The following PALM variants were observed in gnomAD, a reference collection of about 807,000 sequenced individuals.
PALM encodes the protein paralemmin, also known as paralemmin-1.
Under a neutral mutation model 30.7 loss-of-function variants are expected in PALM, and 18 were observed. That is an observed-to-expected ratio of 0.59 (90% CI 0.41 to 0.87). The LOEUF is 0.87. Among genes scored for constraint, PALM ranks in the 40% least tolerant of loss-of-function variants. The pLI, the probability that PALM is intolerant of heterozygous loss-of-function variation, is 0.00. For synonymous variants in PALM, 286 were observed against 242.8 expected (o/e 1.18, Z -1.66); for missense variants, 529 against 555.4 (o/e 0.95, Z 0.48).
chr19:734,976 G>C, intron 6 of PALM: 1 of 696,552 alleles, frequency 1.4e-6, no homozygotes, highest in Non-Finnish European at 1.8e-6. Flanking sequence ...TTGTCTTACT[G>C]TAGAATTAAA....
chr19:727,864 G>T, intron 4 of PALM, 170 bp downstream of exon 4: 1 of 650,910 alleles, frequency 1.5e-6, no homozygotes, highest in Non-Finnish European at 2.6e-6. Context: ...GGACAGATCA[G>T]GTTGGGGCAT....
chr19:710,969 C>T (rs114047596), intron 1 of PALM, among the ~76,000 whole-genome samples: 20 of 152,248 alleles, frequency 1.3e-4, no homozygotes, highest in Non-Finnish European at 7.3e-5. Flanking sequence ...ACGAAGGCCC[C>T]GTCCGCTAGA....
At position 731,214 on chromosome 19, in the gene PALM, G is replaced by A. The variant is rs775703604; in HGVS notation, c.389G>A (p.Arg130His). The A allele has an allele frequency of 1.6e-5, 26 of 1,611,144 alleles. No individual in the cohort carries two copies. The highest frequency in any genetic ancestry group is 4.0e-5 in the African/African-American group (3 of 74,884). Reference protein sequence around the residue: ...APAPSPAKEERKTEVVMNSQQ... With the variant: ...APAPSPAKEEHKTEVVMNSQQ... Reference sequence around the variant, plus strand: ...GCCCCGAGTCCAGCCAAGGAGGAGCGCAAGACAGAGGTGGTGATGAATTCA... The same window carrying A: ...GCCCCGAGTCCAGCCAAGGAGGAGCACAAGACAGAGGTGGTGATGAATTCA... Residue 130 changes from arginine (R) to histidine (H), a missense_variant, in exon 5 of 9, where the codon CGC becomes CAC. By Grantham distance (29) the Arg-to-His change is conservative. Coordinates refer to ENST00000338448, the MANE Select transcript of PALM (RefSeq NM_002579.3).
In PALM at chr19:746,849, C is replaced by G. The variant is rs1224430247; in HGVS notation, c.*35C>G. ...CGAGACCCCGGCCCCCACCCCACACCACAGACACCCACCAGCCCGGCCCCT... is the reference window on the plus strand; with the variant it reads ...CGAGACCCCGGCCCCCACCCCACACGACAGACACCCACCAGCCCGGCCCCT... On this transcript the variant is annotated 3_prime_UTR_variant, in exon 9 of 9. Coordinates refer to ENST00000338448, the MANE Select transcript of PALM (RefSeq NM_002579.3). This position sits in a 1 kb window ranked among gnomAD's most constrained non-coding sequence, Gnocchi z 7.1. 6.2e-6 allele frequency: 8 copies of G among 1,296,512 alleles called. No homozygotes were observed. The South Asian group carries it at 8.4e-5, about 14-fold the overall frequency. The allele number at this position is 1,296,512 out of a possible 1,614,324, so 80.3% of individuals were successfully genotyped here.
intron 4 of PALM, among the ~76,000 whole-genome samples, chr19:728,916 A>G (rs1361341110): frequency 1.3e-5 from 2 of 152,120 alleles, no homozygotes; most frequent in African/African-American, 4.8e-5. Context: ...AGGCAGGAGA[A>G]TGGCGTGAAC....
rs1260079213 is a variant in PALM at position 746,261 on chromosome 19, T to TTCTCTCTG, written c.635-17_635-10dup. 2 of 1,601,318 alleles carry TTCTCTCTG rather than the reference T, an allele frequency of 1.2e-6. No homozygotes were observed. The highest frequency in any genetic ancestry group is 1.7e-6 in the Non-Finnish European group (2 of 1,173,344). On this transcript the variant is annotated intron_variant, in intron 8 of 8. Coordinates refer to ENST00000338448, the MANE Select transcript of PALM (RefSeq NM_002579.3). The surrounding 1 kb of genome is among the most constrained non-coding windows in gnomAD (Gnocchi z 7.1). ...GTCCCTCCTGCCTGGAGCTGGGTCA[T>TTCTCTCTG]TCTCTCTGTCTCTCCTTGTACAGTG...
chr19:746,238 C>T lies in PALM; in HGVS notation c.635-47C>T. 6.5e-7 allele frequency: 1 copy of T among 1,527,924 alleles called. No individual in the cohort carries two copies. Among genetic ancestry groups the T allele is most frequent in the Non-Finnish European group, 9.0e-7 (1 of 1,112,330 alleles). The allele number at this position is 1,527,924 out of a possible 1,614,324, so 94.6% of individuals were successfully genotyped here. ...GCCTGAGCCAGGTCACTCTCTCTGT[C>T]CCTCCTGCCTGGAGCTGGGTCATTC... On this transcript the variant is annotated intron_variant, in intron 8 of 8. Transcript: ENST00000338448. The surrounding 1 kb of genome is among the most constrained non-coding windows in gnomAD (Gnocchi z 7.1).
chr19:741,193 A>G lies in PALM; in HGVS notation c.634+710A>G, dbSNP rs1183887899. On this transcript the variant is annotated intron_variant, in intron 8 of 8. Transcript: ENST00000338448. ...GCTAGCGTGACAGAAGCCACAGAAA[A>G]TGCACATCCAGGGGGCTGTGAGAAG... is the stretch of plus-strand genomic sequence containing the variant. Among the ~76,000 whole-genome samples, 9 of 152,024 alleles carry G rather than the reference A, an allele frequency of 5.9e-5. No individual in the cohort carries two copies. The East Asian group carries it at 1.7e-3, about 29-fold the overall frequency.
chr19:727,162 A>G, intron 3 of PALM, 74 bp downstream of exon 3: 1 of 921,024 alleles, frequency 1.1e-6, no homozygotes. Context: ...CTCCTGCCCA[A>G]CCCTGACCCT....
intron 1 of PALM, among the ~76,000 whole-genome samples, chr19:712,313 G>T (rs1356356417): frequency 6.6e-6 from 1 of 151,312 alleles, no homozygotes; most frequent in African/African-American, 2.4e-5. Flanking sequence ...CGTGAGCCAC[G>T]TGCCTGGCTG....
intron 1 of PALM, among the ~76,000 whole-genome samples, chr19:717,328 C>T (rs2144852309): frequency 6.6e-6 from 1 of 152,298 alleles, no homozygotes; most frequent in East Asian, 1.9e-4. Context: ...CCCCCCAGCC[C>T]TCGGGGAGCC....
At chr19:730,028 G>T (rs1450847653) in intron 4 of PALM, among the ~76,000 whole-genome samples, 1 of 152,216 alleles carries the variant, frequency 6.6e-6, no homozygotes, top group Non-Finnish European at 1.5e-5. Flanking sequence ...GCTTTCAGAG[G>T]CTTCAGCTTC....
chr19:725,951 T>C (rs990222152), intron 1 of PALM, among the ~76,000 whole-genome samples, 187 bp from the exon 2 acceptor site: 2 of 152,188 alleles, frequency 1.3e-5, no homozygotes, highest in African/African-American at 4.8e-5. Context: ...TCCCCTCCTG[T>C]CCTGGCTTCC....
intron 4 of PALM, among the ~76,000 whole-genome samples, chr19:728,788 G>C (rs898542320): frequency 6.6e-6 from 1 of 152,068 alleles, no homozygotes; most frequent in Non-Finnish European, 1.5e-5. Context: ...TGAATCACGA[G>C]GTCAGGAGAT....
chr19:739,188 G>C lies in PALM; in HGVS notation c.503-1164G>C, dbSNP rs2033114534. Among the ~76,000 whole-genome samples, 5 of 152,222 alleles carry C rather than the reference G, an allele frequency of 3.3e-5. No homozygotes were observed. The South Asian group carries it at 8.3e-4, about 25-fold the overall frequency. On this transcript the variant is annotated intron_variant, in intron 7 of 8. Coordinates refer to ENST00000338448, the MANE Select transcript of PALM (RefSeq NM_002579.3). ...GAGTTAGGGCCCTGATGAGTAGCAAGTTCGACTATCTCAGGAGGGTTCCTT... is the reference window on the plus strand; with the variant it reads ...GAGTTAGGGCCCTGATGAGTAGCAACTTCGACTATCTCAGGAGGGTTCCTT...
chr19:716,628 G>A (rs556374160), intron 1 of PALM, among the ~76,000 whole-genome samples: 1 of 152,082 alleles, frequency 6.6e-6, no homozygotes, highest in Admixed American at 6.6e-5. Context: ...GTCAGGGAGC[G>A]AGAAGCTGAT....
At chr19:712,536 A>G (rs753308929) in intron 1 of PALM, among the ~76,000 whole-genome samples, 9 of 150,224 alleles carry the variant, frequency 6.0e-5, no homozygotes, top group Non-Finnish European at 1.3e-4. Flanking sequence ...GGCGCCCACC[A>G]TCACGCCCGG....
In PALM at chr19:709,911, T is replaced by TGTGG. The variant is rs1555686492; in HGVS notation, c.5+761_5+762insTGGG. Reference sequence around the variant, plus strand: ...CCCCGCATGGCTGCGCCTGTGTGTGTGGGGGGGGGGTGGCCAGTGGAGGCA... The same window carrying TGTGG: ...CCCCGCATGGCTGCGCCTGTGTGTGTGTGGGGGGGGGGGGTGGCCAGTGGAGGCA... On this transcript the variant is annotated intron_variant, in intron 1 of 8. Transcript: ENST00000338448. The surrounding 1 kb of genome is among the most constrained non-coding windows in gnomAD (Gnocchi z 4.3). 3.4e-5 allele frequency among the ~76,000 whole-genome samples: 5 copies of TGTGG among 147,590 alleles called. No individual in the cohort carries two copies. Among genetic ancestry groups the TGTGG allele is most frequent in the Admixed American group, 2.7e-4 (4 of 14,906 alleles).
intron 5 of PALM, among the ~76,000 whole-genome samples, chr19:732,366 T>C (rs1599156560): frequency 1.3e-5 from 2 of 152,182 alleles, no homozygotes; most frequent in East Asian, 3.9e-4. Flanking sequence ...CGGCTGTTAA[T>C]TCTGGCATCT....
Sources: allele counts gnomAD v4.1 joint callset (sites outside exome capture counted in the v4.1 genomes callset), GRCh38; gene constraint gnomAD v4.1.1; non-coding constraint Gnocchi (gnomAD v3.1); transcripts MANE v1.5; gene names NCBI Gene and HGNC (gene_info 2026-07-23, HGNC 2026-07-21).